MTF1: variants seen among roughly 807,000 people sequenced by gnomAD.
The protein encoded by MTF1 is MRE-binding transcription factor.
Under a neutral mutation model 70.4 loss-of-function variants are expected in MTF1, and 22 were observed. The observed-to-expected ratio is 0.31, with a 90% CI of 0.22 to 0.45. The LOEUF (loss-of-function observed/expected upper bound fraction) is 0.45. Among genes scored for constraint, MTF1 ranks in the 20% least tolerant of loss-of-function variants. MTF1 has a pLI of 1.00. For synonymous variants in MTF1, 333 were observed against 352.8 expected (o/e 0.94, Z 0.63); for missense variants, 649 against 922.0 (o/e 0.70, Z 3.83).
At chr1:37,857,192 G>T in intron 2 of MTF1, 59 bp downstream of exon 2, 15 of 1,547,074 alleles carry the variant, frequency 9.7e-6, no homozygotes, top group Non-Finnish European at 1.3e-5. Context: ...TTTGCACCAA[G>T]AATTTTGTAA....
chr1:37,837,798 G>A (rs1641193962), intron 4 of MTF1, among the ~76,000 whole-genome samples: 1 of 152,202 alleles, frequency 6.6e-6, no homozygotes, highest in Admixed American at 6.5e-5. Flanking sequence ...GAGCCGCCAT[G>A]CCCGGCCTCA....
chr1:37,844,418 G>A (rs1260182631), intron 2 of MTF1, among the ~76,000 whole-genome samples: 1 of 152,144 alleles, frequency 6.6e-6, no homozygotes, highest in East Asian at 1.9e-4. Flanking sequence ...CTACATGACA[G>A]TGCCCTTCTC....
In MTF1 at chr1:37,857,539, A is replaced by C; in HGVS notation, c.120T>G (p.Ser40=). The change falls in exon 2 of 11, where the codon TCT becomes TCG. Residue 40 remains serine, a synonymous_variant. Transcript: ENST00000373036. ...CAGTGGTCCTATCATAAACAGTTCC[A>C]GATGAGGAAGGCACCAGTCCGTTTT... is the stretch of plus-strand genomic sequence containing the variant. ...VDKNGLVPSS[S]GTVYDRTTVL... is the part of the protein sequence containing the mutation. 1 of 1,614,222 alleles carries C rather than the reference A, an allele frequency of 6.2e-7. No homozygotes were observed. Among genetic ancestry groups the C allele is most frequent in the East Asian group, 2.2e-5 (1 of 44,884 alleles).
intron 7 of MTF1, 49 bp from the exon 8 acceptor site, chr1:37,823,861 T>C: frequency 7.2e-7 from 1 of 1,383,658 alleles, no homozygotes; most frequent in Non-Finnish European, 1.0e-6. Flanking sequence ...GAGACAATTC[T>C]TCACCATGAG....
chr1:37,830,611 C>G (rs1369280381), intron 7 of MTF1, among the ~76,000 whole-genome samples: 2 of 152,210 alleles, frequency 1.3e-5, no homozygotes, highest in Admixed American at 6.5e-5. Flanking sequence ...GTGGAGGGAT[C>G]ATGTTTTCCT....
rs1399863921 is a variant in MTF1, at chr1:37,810,269, A to AT, written c.*4866dup. On this transcript the variant is annotated 3_prime_UTR_variant, in exon 11 of 11. Coordinates refer to ENST00000373036, the MANE Select transcript of MTF1 (RefSeq NM_005955.3). ...AAAAGGTTTTATGAAAAATTTTCCC[A>AT]TAAGAAAAAGTAGAAACTGCATTGA... is the stretch of plus-strand genomic sequence containing the variant. The AT allele has an allele frequency of 1.3e-5, 2 of 152,594 alleles. No individual in the cohort carries two copies. The highest frequency in any genetic ancestry group is 2.9e-5 in the Non-Finnish European group (2 of 68,044). 9.5% of individuals were successfully genotyped at this position (152,594 alleles called of 1,614,324 possible). A position where few individuals can be genotyped will look rare whatever the true frequency, so the allele number is the denominator to read the frequency against.
chr1:37,832,522 G>A (rs917760617), intron 6 of MTF1, among the ~76,000 whole-genome samples, 200 bp from the exon 7 acceptor site: 1 of 152,146 alleles, frequency 6.6e-6, no homozygotes, highest in Non-Finnish European at 1.5e-5. Flanking sequence ...GGGTACATGT[G>A]CACAATGTGC....
intron 6 of MTF1, among the ~76,000 whole-genome samples, chr1:37,832,571 C>T (rs1017844806): frequency 7.9e-5 from 12 of 152,108 alleles, no homozygotes; most frequent in African/African-American, 2.2e-4. Context: ...TATGCTGGCG[C>T]GCTGCACCCA....
intron 9 of MTF1, among the ~76,000 whole-genome samples, chr1:37,821,835 C>CT (rs202083775): frequency 0.01 from 1,555 of 152,148 alleles, 26 homozygotes; most frequent in African/African-American, 0.035. Flanking sequence ...TTGCTGACTG[C>CT]TTTTTTATAC....
Position 37,815,599 on chromosome 1 carries a change from G to A in MTF1, c.1832-33C>T. 6.7e-7 allele frequency: 1 copy of A among 1,490,754 alleles called. No homozygotes were observed. Among genetic ancestry groups the A allele is most frequent in the Non-Finnish European group, 9.0e-7 (1 of 1,110,886 alleles). 92.3% of individuals were successfully genotyped at this position (1,490,754 alleles called of 1,614,324 possible). On this transcript the variant is annotated intron_variant, in intron 10 of 10. Transcript: ENST00000373036. The surrounding 1 kb of genome is among the most constrained non-coding windows in gnomAD (Gnocchi z 4.5). ...AGAGGCAAGAGAGACTGCTCTTCAA[G>A]TAGCTGCAGGGGCAGGAGCATGAGG...
intron 2 of MTF1, among the ~76,000 whole-genome samples, chr1:37,846,621 C>T (rs1294023697): frequency 1.3e-5 from 2 of 151,906 alleles, no homozygotes; most frequent in Non-Finnish European, 2.9e-5. Context: ...TTCTAGAATA[C>T]AGAAATATTT....
At position 37,840,349 on chromosome 1, in the gene MTF1, T is replaced by C. The variant is rs144039840; in HGVS notation, c.409-191A>G. The C allele has an allele frequency of 1.6e-6, 1 of 608,912 alleles. No individual in the cohort carries two copies. The highest frequency in any genetic ancestry group is 1.8e-5 in the African/African-American group (1 of 54,116). The allele number at this position is 608,912 out of a possible 1,614,324, so 37.7% of individuals were successfully genotyped here. ...GATCAAATCATACCTGGACAACACA[T>C]AATGATTTATGGGGAAGAAATAAGT... On this transcript the variant is annotated intron_variant, in intron 2 of 10. Coordinates refer to ENST00000373036, the MANE Select transcript of MTF1 (RefSeq NM_005955.3). This position sits in a 1 kb window ranked among gnomAD's most constrained non-coding sequence, Gnocchi z 4.5.
Position 37,857,541 on chromosome 1 carries a change from A to C in MTF1, c.118T>G (p.Ser40Ala). 6.2e-7 allele frequency: 1 copy of C among 1,614,140 alleles called. No homozygotes were observed. ...GTGGTCCTATCATAAACAGTTCCAG[A>C]TGAGGAAGGCACCAGTCCGTTTTTA... Reference protein sequence around the residue: ...VDKNGLVPSSSGTVYDRTTVL... With the variant: ...VDKNGLVPSSAGTVYDRTTVL... Residue 40 changes from serine to alanine, a missense_variant, in exon 2 of 11, where the codon TCT (serine) becomes GCT (alanine). By Grantham distance (99) the Ser-to-Ala change is moderately conservative. Around this residue, in one of 7 missense-constraint regions of MTF1, gnomAD observed 9 missense variants for 33.6 expected, o/e 0.27. Transcript: ENST00000373036.
At chr1:37,837,698 G>T (rs945727268) in intron 4 of MTF1, among the ~76,000 whole-genome samples, 1 of 151,942 alleles carries the variant, frequency 6.6e-6, no homozygotes, top group Non-Finnish European at 1.5e-5. Context: ...TAGAGATGTG[G>T]TCTCACCATG....
intron 7 of MTF1, among the ~76,000 whole-genome samples, chr1:37,825,350 C>G (rs1360178850): frequency 6.6e-6 from 1 of 152,170 alleles, no homozygotes; most frequent in Non-Finnish European, 1.5e-5. Context: ...GATCCTCCCA[C>G]CTCAGCCTCC....
At chr1:37,818,258 C>T (rs1640849906) in intron 9 of MTF1, among the ~76,000 whole-genome samples, 1 of 152,114 alleles carries the variant, frequency 6.6e-6, no homozygotes, top group Admixed American at 6.5e-5. Flanking sequence ...AATGAGTTAT[C>T]ATGGGAGTGG....
chr1:37,822,653 C>T lies in MTF1; in HGVS notation c.1235G>A (p.Gly412Glu), dbSNP rs754717411. Residue 412 changes from glycine to glutamate, a missense_variant, in exon 9 of 11, where the codon GGA (glycine) becomes GAA (glutamate). This residue lies in a region of MTF1 where 267 missense variants were observed against 292.1 expected (regional missense o/e 0.91). Coordinates refer to ENST00000373036, the MANE Select transcript of MTF1 (RefSeq NM_005955.3). ...ESVSDVPPST[G>E]NSASLSLPLV... is the part of the protein sequence containing the mutation. The stretch of plus-strand genomic sequence containing the variant: ...TGGAAGAGATAAAGATGCTGAATTT[C>T]CTGTGGATGGCGGAACATCACTGAC... The T allele has an allele frequency of 1.2e-6, 2 of 1,613,882 alleles. No homozygotes were observed. Among genetic ancestry groups the T allele is most frequent in the Non-Finnish European group, 1.7e-6 (2 of 1,180,018 alleles).
rs1487789319 is a variant in MTF1, at chr1:37,814,837, C to T, written c.*299G>A. On this transcript the variant is annotated 3_prime_UTR_variant, in exon 11 of 11. Transcript: ENST00000373036. ...CTTTCATTTAGAATTTTTATGCACA[C>T]GAGTAACCTTAGTTTCCAAGTTCAC... 9.1e-6 allele frequency: 3 copies of T among 331,130 alleles called. No homozygotes were observed. Among genetic ancestry groups the T allele is most frequent in the Admixed American group, 4.6e-5 (1 of 21,834 alleles). 20.5% of individuals were successfully genotyped at this position (331,130 alleles called of 1,614,324 possible).
chr1:37,838,153 A>G (rs556203102), intron 4 of MTF1, among the ~76,000 whole-genome samples: 68 of 152,110 alleles, frequency 4.5e-4, no homozygotes, highest in African/African-American at 1.5e-3. Context: ...AAGCATCCCT[A>G]CCTCTCATTT....
Sources: allele counts gnomAD v4.1 joint callset (sites outside exome capture counted in the v4.1 genomes callset), GRCh38; gene constraint gnomAD v4.1.1; regional missense constraint gnomAD v4.1.1; non-coding constraint Gnocchi (gnomAD v3.1); transcripts MANE v1.5; gene names NCBI Gene and HGNC (gene_info 2026-07-23, HGNC 2026-07-21).